Variants in ANGPTL2 observed in about 807,000 individuals in gnomAD.
ANGPTL2 encodes the protein angiopoietin-related protein 2.
A neutral mutation model predicts 52.8 loss-of-function variants in ANGPTL2; 25 were observed. The ratio of observed to expected loss-of-function variants is 0.47; its 90% confidence interval spans 0.35 to 0.66. The LOEUF is 0.66. Ranked by LOEUF, ANGPTL2 falls within the 30% of genes least tolerant of loss-of-function variation. The probability of loss-of-function intolerance (pLI) is 0.01; values close to 1 mark genes in which losing one functional copy is unlikely to be tolerated. For missense variants in ANGPTL2, 546 were observed against 656.9 expected (o/e 0.83, Z 1.84); for synonymous variants, 276 against 277.4 (o/e 1.00, Z 0.05).
intron 2 of ANGPTL2, 77 bp downstream of exon 2, chr9:127,107,838 C>A: frequency 7.0e-7 from 1 of 1,428,750 alleles, no homozygotes; most frequent in African/African-American, 1.4e-5. Flanking sequence ...GGCTTTTCCC[C>A]ATTTGTGGAC....
intron 1 of ANGPTL2, among the ~76,000 whole-genome samples, chr9:127,119,356 A>G (rs752202357): frequency 1.1e-4 from 16 of 152,202 alleles, no homozygotes; most frequent in Non-Finnish European, 2.2e-4. Flanking sequence ...ACAGCAACCA[A>G]AGCAGATGTG....
chr9:127,098,776 A>G (rs902076197), intron 2 of ANGPTL2, among the ~76,000 whole-genome samples: 1 of 152,120 alleles, frequency 6.6e-6, no homozygotes, highest in Non-Finnish European at 1.5e-5. Flanking sequence ...GCTACTCCCA[A>G]CACAGGGCCT....
At chr9:127,105,540 C>T (rs1007618046) in intron 2 of ANGPTL2, among the ~76,000 whole-genome samples, 2 of 152,322 alleles carry the variant, frequency 1.3e-5, no homozygotes, top group South Asian at 4.1e-4. Context: ...AGAAGTGCCA[C>T]GTCTATCTAA....
intron 2 of ANGPTL2, among the ~76,000 whole-genome samples, chr9:127,102,867 C>G (rs537432551): frequency 6.6e-6 from 1 of 152,198 alleles, no homozygotes; most frequent in African/African-American, 2.4e-5. Flanking sequence ...TTAACAAAAC[C>G]TTTTAGAATA....
chr9:127,116,813 A>T (rs771293840), intron 1 of ANGPTL2, among the ~76,000 whole-genome samples: 1 of 152,176 alleles, frequency 6.6e-6, no homozygotes, highest in Non-Finnish European at 1.5e-5. Flanking sequence ...AGGGGCTATG[A>T]CTATCCTCAT....
At chr9:127,092,329 GATGAGCT>G (rs1374869758) in intron 3 of ANGPTL2, among the ~76,000 whole-genome samples, 1 of 152,186 alleles carries the variant, frequency 6.6e-6, no homozygotes, top group Non-Finnish European at 1.5e-5. Context: ...CTTCTCTGGA[GATGAGCT>G]GTGTGTGAGG....
At chr9:127,112,360 A>G (rs2054915258) in intron 1 of ANGPTL2, among the ~76,000 whole-genome samples, 1 of 152,240 alleles carries the variant, frequency 6.6e-6, no homozygotes, top group Non-Finnish European at 1.5e-5. Context: ...GGGCTAGGGC[A>G]GGCCTGCTGG....
At chr9:127,110,330 C>T (rs1338177569) in intron 1 of ANGPTL2, among the ~76,000 whole-genome samples, 3 of 152,194 alleles carry the variant, frequency 2.0e-5, no homozygotes, top group Non-Finnish European at 2.9e-5. Context: ...CTTGACCTTC[C>T]TTTCCAGAGC....
In ANGPTL2 at chr9:127,108,105, C is replaced by T. The variant is rs545862218; in HGVS notation, c.627G>A (p.Ser209=). Residue 209 remains serine (S), a synonymous_variant, in exon 2 of 5, where the codon TCG becomes TCA. Coordinates refer to ENST00000373425, the MANE Select transcript of ANGPTL2 (RefSeq NM_012098.3). ...QLEEHCQRVP[S]ARPVPQPPPA... ...GGGGTGGCTGGGGGACGGGCCTGGC[C>T]GAGGGCACCCTCTGGCAGTGCTCCT... The T allele has an allele frequency of 2.4e-5, 38 of 1,612,598 alleles. No individual in the cohort carries two copies. The highest frequency in any genetic ancestry group is 1.7e-4 in the Middle Eastern group (1 of 6,044).
chr9:127,105,763 G>A (rs7466193), intron 2 of ANGPTL2, among the ~76,000 whole-genome samples: 2 of 152,190 alleles, frequency 1.3e-5, no homozygotes, highest in South Asian at 4.1e-4. Context: ...ATGGGCATTG[G>A]ACGGATCCCA....
At position 127,093,883 on chromosome 9, in the gene ANGPTL2, G is replaced by T; in HGVS notation, c.861C>A (p.Asp287Glu). 6.2e-7 allele frequency: 1 copy of T among 1,614,070 alleles called. No individual in the cohort carries two copies. ...DCLQALEDGH[D>E]TSSIYLVKPE... ...GCTTCACCAGGTAGATGGAGCTGGT[G>T]TCGTGGCCATCCTCCAGGGCCTGCA... Residue 287 changes from aspartate (D) to glutamate (E), a missense_variant, in exon 3 of 5, where the codon GAC (aspartate) becomes GAA (glutamate). By Grantham distance (45) the Asp-to-Glu change is conservative (BLOSUM62 2). This residue lies in a region of ANGPTL2 where 261 missense variants were observed against 361.0 expected (regional missense o/e 0.72). Transcript: ENST00000373425.
intron 2 of ANGPTL2, among the ~76,000 whole-genome samples, chr9:127,096,632 T>C (rs1001185165): frequency 1.3e-5 from 2 of 152,360 alleles, no homozygotes; most frequent in African/African-American, 4.8e-5. Flanking sequence ...CCAAGGGCTC[T>C]TTTTAAAGGC....
chr9:127,089,544 T>C (rs2052200080), intron 4 of ANGPTL2, among the ~76,000 whole-genome samples: 1 of 152,094 alleles, frequency 6.6e-6, no homozygotes, highest in Non-Finnish European at 1.5e-5. Flanking sequence ...TGGCCTGAGG[T>C]GGGCGGGGAG....
At position 127,089,098 on chromosome 9, in the gene ANGPTL2, G is replaced by A. The variant is rs759635513; in HGVS notation, c.1323C>T (p.Asn441=). The A allele has an allele frequency of 1.4e-5, 23 of 1,614,090 alleles. No homozygotes were observed. Among genetic ancestry groups the A allele is most frequent in the South Asian group, 1.1e-4 (10 of 91,088 alleles). ...AHYQKGGWWY[N]ACAHSNLNGV... ...CGTTGAGGTTGGAGTGGGCACAGGC[G>A]TTATACCACCAGCCTCCCTTCTGGT... The change falls in exon 5 of 5, where the codon AAC becomes AAT. Residue 441 remains asparagine (N), a synonymous_variant. Transcript: ENST00000373425.
intron 2 of ANGPTL2, among the ~76,000 whole-genome samples, chr9:127,100,463 T>G (rs1208348448): frequency 6.6e-6 from 1 of 152,170 alleles, no homozygotes; most frequent in Admixed American, 6.5e-5. Context: ...CCAGCGCTGT[T>G]GGGCAGGAGG....
At chr9:127,092,478 G>A (rs887487916) in intron 3 of ANGPTL2, among the ~76,000 whole-genome samples, 7 of 152,120 alleles carry the variant, frequency 4.6e-5, no homozygotes, top group African/African-American at 1.7e-4. Flanking sequence ...TGGTTTTGGG[G>A]TCAGCAGCTG....
chr9:127,117,764 G>A (rs191663868), intron 1 of ANGPTL2, among the ~76,000 whole-genome samples: 28 of 152,204 alleles, frequency 1.8e-4, no homozygotes, highest in South Asian at 4.1e-4. Context: ...TTAGAGATTC[G>A]GCAGTAACTG....
intron 1 of ANGPTL2, among the ~76,000 whole-genome samples, chr9:127,112,922 T>TA (rs778603893): frequency 3.3e-5 from 5 of 152,328 alleles, no homozygotes; most frequent in Non-Finnish European, 5.9e-5. Context: ...CAGAGTGACT[T>TA]ACTAGTGTTA....
Position 127,091,956 on chromosome 9 carries a change from G to T in ANGPTL2, c.1012-16C>A, listed in dbSNP as rs543905086. 5.0e-6 allele frequency: 8 copies of T among 1,612,584 alleles called. No homozygotes were observed. The East Asian group carries it at 1.3e-4, about 27-fold the overall frequency. ...CAAACCCTTGCTGGGGAAAACCCAG[G>T]AGAGTGTTAATGTGGAGCCTGCAGC... On this transcript the variant is annotated splice_polypyrimidine_tract_variant and intron_variant, in intron 3 of 4. Coordinates refer to ENST00000373425, the MANE Select transcript of ANGPTL2 (RefSeq NM_012098.3). This position sits in a 1 kb window ranked among gnomAD's most constrained non-coding sequence, Gnocchi z 4.3.
Sources: allele counts gnomAD v4.1 joint callset (sites outside exome capture counted in the v4.1 genomes callset), GRCh38; gene constraint gnomAD v4.1.1; regional missense constraint gnomAD v4.1.1; non-coding constraint Gnocchi (gnomAD v3.1); transcripts MANE v1.5; gene names NCBI Gene and HGNC (gene_info 2026-07-23, HGNC 2026-07-21).